Variants in GLIPR1L2 observed in about 807,000 individuals in gnomAD.
GLIPR1L2 encodes the protein GLIPR1 like 2, also known as GLIPR1-like protein 2.
In GLIPR1L2, 21 loss-of-function variants were observed where a neutral mutation model predicts 28.4. The observed-to-expected ratio is 0.74, with a 90% confidence interval of 0.52 to 1.06. The LOEUF (loss-of-function observed/expected upper bound fraction) is 1.06, where lower values mean the gene tolerates loss of function less well. Ranked by LOEUF, GLIPR1L2 falls within the 50% of genes least tolerant of loss-of-function variation. GLIPR1L2 has a pLI of 0.00. For synonymous variants in GLIPR1L2, 145 were observed against 139.3 expected, an observed-to-expected ratio of 1.04 and a Z score of -0.29; for missense variants, 476 against 416.9, an observed-to-expected ratio of 1.14 and a Z score of -1.23.
In GLIPR1L2 at chr12:75,391,213, C is replaced by T. The variant is rs762962565; in HGVS notation, c.97C>T (p.Leu33=). The change falls in exon 1 of 6, where the codon CTA becomes TTA. Residue 33 remains leucine (L), a synonymous_variant. Coordinates refer to ENST00000550916, the MANE Select transcript of GLIPR1L2 (RefSeq NM_001270396.2). ...GAAGCTGCGGCTCTGTGAGCTGTGG[C>T]TACTGCTACTGGGTTCTAGTTTGAA... The part of the protein sequence containing the change: ...VLKLRLCELW[L]LLLGSSLNAR... 2.4e-5 allele frequency: 39 copies of T among 1,614,060 alleles called. No homozygotes were observed. The highest frequency in any genetic ancestry group is 3.2e-5 in the Non-Finnish European group (38 of 1,180,008).
At chr12:75,409,549 T>G (rs1489731296) in intron 1 of GLIPR1L2, among the ~76,000 whole-genome samples, 1 of 130,712 alleles carries the variant, frequency 7.7e-6, no homozygotes, top group African/African-American at 2.7e-5. Context: ...TTAAAAGATT[T>G]TTTTTGGGTG....
chr12:75,405,210 A>G (rs2045783797), intron 1 of GLIPR1L2, among the ~76,000 whole-genome samples: 1 of 152,218 alleles, frequency 6.6e-6, no homozygotes, highest in Non-Finnish European at 1.5e-5. Context: ...GTCTTAAAAT[A>G]AAATGACTGG....
chr12:75,413,425 A>C (rs2045891405), intron 2 of GLIPR1L2, among the ~76,000 whole-genome samples, 173 bp from the exon 3 acceptor site: 1 of 152,020 alleles, frequency 6.6e-6, no homozygotes, highest in African/African-American at 2.4e-5. Flanking sequence ...ATAGTGTTGA[A>C]AATGCTGCCC....
At chr12:75,417,893 A>G (rs940048310) in intron 3 of GLIPR1L2, among the ~76,000 whole-genome samples, 3 of 152,152 alleles carry the variant, frequency 2.0e-5, no homozygotes, top group African/African-American at 7.2e-5. Context: ...TAATTCGATT[A>G]CTCTAAAACT....
At chr12:75,408,199 CTT>C (rs1280332851) in intron 1 of GLIPR1L2, among the ~76,000 whole-genome samples, 1 of 151,976 alleles carries the variant, frequency 6.6e-6, no homozygotes, top group Admixed American at 6.6e-5. Context: ...CTTCTTGAAA[CTT>C]TAACCTCTCT....
intron 3 of GLIPR1L2, among the ~76,000 whole-genome samples, chr12:75,417,206 T>G (rs1435572478): frequency 6.6e-6 from 1 of 152,044 alleles, no homozygotes; most frequent in Non-Finnish European, 1.5e-5. Flanking sequence ...TGCAATCACA[T>G]GTATACTTGT....
intron 3 of GLIPR1L2, among the ~76,000 whole-genome samples, chr12:75,418,096 A>T (rs976107029): frequency 6.6e-6 from 1 of 152,116 alleles, no homozygotes; most frequent in Admixed American, 6.6e-5. Flanking sequence ...TGCCAAAGAC[A>T]TTGCACATTA....
At chr12:75,419,402 T>C (rs1288680981) in intron 3 of GLIPR1L2, among the ~76,000 whole-genome samples, 1 of 152,142 alleles carries the variant, frequency 6.6e-6, no homozygotes, top group Non-Finnish European at 1.5e-5. Flanking sequence ...AAGTGACAAC[T>C]ATGGAGAATT....
intron 3 of GLIPR1L2, among the ~76,000 whole-genome samples, chr12:75,420,155 G>T (rs191909716): frequency 6.6e-6 from 1 of 152,302 alleles, no homozygotes; most frequent in East Asian, 1.9e-4. Flanking sequence ...TGTTTCATGT[G>T]CTTTGGCTCT....
intron 1 of GLIPR1L2, among the ~76,000 whole-genome samples, chr12:75,398,619 C>A (rs2045707835): frequency 6.6e-6 from 1 of 152,102 alleles, no homozygotes; most frequent in East Asian, 1.9e-4. Context: ...CATGGTAGTA[C>A]TAGGAGAAGG....
intron 1 of GLIPR1L2, among the ~76,000 whole-genome samples, chr12:75,406,054 A>G (rs2045796049): frequency 6.7e-6 from 1 of 149,692 alleles, no homozygotes; most frequent in Admixed American, 6.7e-5. Context: ...TGTGTATCTT[A>G]AAATAATTTC....
chr12:75,392,348 A>T (rs1469730581), intron 1 of GLIPR1L2, among the ~76,000 whole-genome samples: 2 of 152,220 alleles, frequency 1.3e-5, no homozygotes, highest in Admixed American at 1.3e-4. Flanking sequence ...ATGTTCAATT[A>T]CTTGCTAAAT....
intron 4 of GLIPR1L2, among the ~76,000 whole-genome samples, chr12:75,426,835 T>G (rs896606697): frequency 6.6e-6 from 1 of 152,182 alleles, no homozygotes; most frequent in Non-Finnish European, 1.5e-5. Flanking sequence ...ATTATTCAAG[T>G]GTAATGAAAT....
chr12:75,402,920 CT>C, intron 1 of GLIPR1L2: 1 of 443,860 alleles, frequency 2.3e-6, no homozygotes, highest in South Asian at 1.6e-5. Context: ...CCCATTCTCT[CT>C]CCTCTAACAT....
At chr12:75,422,790 A>G in intron 3 of GLIPR1L2, 114 bp from the exon 4 acceptor site, 1 of 778,052 alleles carries the variant, frequency 1.3e-6, no homozygotes, top group Non-Finnish European at 2.1e-6. Flanking sequence ...CCTTAAGTCC[A>G]GTTTCTTAAC....
chr12:75,410,553 A>G lies in GLIPR1L2; in HGVS notation c.354A>G (p.Glu118=). 6.2e-7 allele frequency: 1 copy of G among 1,612,456 alleles called. No homozygotes were observed. The highest frequency in any genetic ancestry group is 1.3e-5 in the African/African-American group (1 of 74,946). ...MVHPKFYGIG[E]NMWVGPENEF... ...ATCCTAAATTTTATGGTATTGGTGA[A>G]AATATGTGGGTCGGCCCTGAAAATG... Residue 118 remains glutamate (E), a synonymous_variant, in exon 2 of 6, where the codon GAA becomes GAG. Coordinates refer to ENST00000550916, the MANE Select transcript of GLIPR1L2 (RefSeq NM_001270396.2).
intron 3 of GLIPR1L2, among the ~76,000 whole-genome samples, chr12:75,418,631 C>A (rs1270576661): frequency 6.6e-6 from 1 of 152,036 alleles, no homozygotes. Flanking sequence ...CAGCTTTGTT[C>A]TTTTTGCTTA....
intron 1 of GLIPR1L2, among the ~76,000 whole-genome samples, chr12:75,401,878 T>A (rs148611797): frequency 6.6e-6 from 1 of 151,922 alleles, no homozygotes; most frequent in African/African-American, 2.4e-5. Flanking sequence ...AGAAACTGAC[T>A]GACAATAAAT....
intron 3 of GLIPR1L2, among the ~76,000 whole-genome samples, chr12:75,420,274 T>C (rs1052566216): frequency 6.6e-6 from 1 of 152,220 alleles, no homozygotes; most frequent in African/African-American, 2.4e-5. Flanking sequence ...GATTACCTCC[T>C]TGATGAACAA....
Sources: allele counts gnomAD v4.1 joint callset (sites outside exome capture counted in the v4.1 genomes callset), GRCh38; gene constraint gnomAD v4.1.1; transcripts MANE v1.5; gene names NCBI Gene and HGNC (gene_info 2026-07-23, HGNC 2026-07-21).